CSMD1: variants seen among roughly 807,000 people sequenced by gnomAD.
The protein encoded by CSMD1 is CUB and sushi domain-containing protein 1.
In CSMD1, 213 loss-of-function variants were observed where a neutral mutation model predicts 417.5. The observed-to-expected ratio is 0.51, with a 90% CI of 0.46 to 0.57. The LOEUF (loss-of-function observed/expected upper bound fraction) is 0.57. Ranked by LOEUF, CSMD1 falls within the 20% of genes least tolerant of loss-of-function variation. The pLI is 0.00. For missense variants in CSMD1, 6,923 were observed against 4,529.7 expected, an observed-to-expected ratio of 1.53 and a Z score of -15.17; for synonymous variants, 2,862 against 1,736.8, an observed-to-expected ratio of 1.65 and a Z score of -16.11.
At chr8:4,378,364 C>T (rs1009002787) in intron 3 of CSMD1, among the ~76,000 whole-genome samples, 2 of 152,206 alleles carry the variant, frequency 1.3e-5, no homozygotes, top group Non-Finnish European at 2.9e-5. Context: ...GGAACATAAT[C>T]ATGAGAAATT....
intron 3 of CSMD1, among the ~76,000 whole-genome samples, chr8:4,363,629 C>G (rs568362667): frequency 6.6e-6 from 1 of 152,182 alleles, no homozygotes; most frequent in Admixed American, 6.5e-5. Context: ...CTGGGAAGGA[C>G]GGTGCCAGGA....
chr8:4,126,533 T>C (rs992843809), intron 3 of CSMD1, among the ~76,000 whole-genome samples: 1 of 152,192 alleles, frequency 6.6e-6, no homozygotes, highest in Non-Finnish European at 1.5e-5. Flanking sequence ...TGGTCAGTGC[T>C]GCAGGGAGGC....
At chr8:4,185,878 A>G (rs375465942) in intron 3 of CSMD1, among the ~76,000 whole-genome samples, 9 of 152,330 alleles carry the variant, frequency 5.9e-5, no homozygotes, top group African/African-American at 1.2e-4. Context: ...CCTGAGTACT[A>G]AGATCACGGC....
At chr8:4,261,400 G>C (rs1203942753) in intron 3 of CSMD1, among the ~76,000 whole-genome samples, 1 of 152,160 alleles carries the variant, frequency 6.6e-6, no homozygotes, top group Non-Finnish European at 1.5e-5. Context: ...GTAGTTGCCA[G>C]GGGCTGGGGA....
chr8:3,643,353 A>C (rs1432483701), intron 7 of CSMD1, among the ~76,000 whole-genome samples: 2 of 152,102 alleles, frequency 1.3e-5, no homozygotes, highest in African/African-American at 4.8e-5. Flanking sequence ...TCACTGAAGA[A>C]ATGGGGTTTA....
At chr8:3,429,423 C>A (rs890102081) in intron 12 of CSMD1, among the ~76,000 whole-genome samples, 22 of 152,080 alleles carry the variant, frequency 1.4e-4, no homozygotes, top group Non-Finnish European at 2.6e-4. Context: ...GAGGTAGTGA[C>A]CCAAGGGAAA....
intron 1 of CSMD1, among the ~76,000 whole-genome samples, chr8:4,691,213 G>C (rs1184974289): frequency 6.6e-6 from 1 of 152,160 alleles, no homozygotes; most frequent in Admixed American, 6.5e-5. Flanking sequence ...AAACTCCTAG[G>C]GATGGGCTGG....
chr8:4,477,328 G>C (rs1800858262), intron 2 of CSMD1, among the ~76,000 whole-genome samples: 1 of 152,144 alleles, frequency 6.6e-6, no homozygotes, highest in South Asian at 2.1e-4. Context: ...CGTTGGTGCT[G>C]GAAGGAGTTA....
intron 3 of CSMD1, among the ~76,000 whole-genome samples, chr8:4,348,940 C>T (rs541123488): frequency 6.6e-6 from 1 of 152,270 alleles, no homozygotes; most frequent in East Asian, 1.9e-4. Context: ...CTTAACCAGA[C>T]AGTGCCCTCA....
chr8:3,832,901 C>T (rs1223013354), intron 5 of CSMD1, among the ~76,000 whole-genome samples: 1 of 152,064 alleles, frequency 6.6e-6, no homozygotes, highest in African/African-American at 2.4e-5. Context: ...ATTGCATAAG[C>T]AACACAAATA....
intron 2 of CSMD1, among the ~76,000 whole-genome samples, chr8:4,536,116 C>G (rs1035147166): frequency 6.6e-6 from 1 of 152,174 alleles, no homozygotes; most frequent in Non-Finnish European, 1.5e-5. Context: ...GTTCAAGATT[C>G]ACTTGACAAG....
At chr8:4,432,088 A>T (rs1033368556) in intron 2 of CSMD1, among the ~76,000 whole-genome samples, 1 of 152,228 alleles carries the variant, frequency 6.6e-6, no homozygotes, top group Non-Finnish European at 1.5e-5. Flanking sequence ...GAATACAGAA[A>T]TATTGGCTAT....
chr8:2,973,384 G>T, intron 56 of CSMD1, 85 bp from the exon 57 acceptor site: 3 of 1,372,828 alleles, frequency 2.2e-6, no homozygotes, highest in Non-Finnish European at 3.0e-6. Context: ...ATAATGAAAA[G>T]TTGTTGAAAT....
intron 25 of CSMD1, among the ~76,000 whole-genome samples, chr8:3,289,384 T>A (rs1166838552): frequency 6.8e-6 from 1 of 147,322 alleles, no homozygotes; most frequent in Non-Finnish European, 1.5e-5. Context: ...TAGTTCTAGA[T>A]CCCTGAGGAA....
chr8:3,253,181 C>G (rs1258585865), intron 26 of CSMD1, among the ~76,000 whole-genome samples: 6 of 151,744 alleles, frequency 4.0e-5, no homozygotes, highest in African/African-American at 1.2e-4. Context: ...TATAAATTTC[C>G]CTCTACACAC....
Position 3,205,498 on chromosome 8 carries a change from C to T in CSMD1, c.4984+6G>A, listed in dbSNP as rs751103478. The T allele has an allele frequency of 1.5e-5, 21 of 1,360,618 alleles. 1 individual carries two copies. In the South Asian group the frequency reaches 2.6e-4, roughly 17 times the overall value. The allele number at this position is 1,360,618 out of a possible 1,614,324, so 84.3% of individuals were successfully genotyped here. On this transcript the variant is annotated splice_donor_region_variant and intron_variant, in intron 31 of 69. Coordinates refer to ENST00000635120, the MANE Select transcript of CSMD1 (RefSeq NM_033225.6). ...CAATGAATTAAAAATACAAGGACAT[C>T]CTTACCGAATTCCTTTGGTACCGTG...
intron 1 of CSMD1, among the ~76,000 whole-genome samples, chr8:4,961,514 T>C (rs1809483268): frequency 6.6e-6 from 1 of 152,172 alleles, no homozygotes; most frequent in African/African-American, 2.4e-5. Context: ...AAGTATCCAT[T>C]AGTTTGGCTA....
Position 3,931,420 on chromosome 8 carries a change from A to G in CSMD1, c.818+66483T>C, listed in dbSNP as rs186180224. Reference sequence around the variant, plus strand: ...CTTTTACCCATTCTGGGTATTGTGGAAAAAAAAATCTTTCAATCCATGGCT... The same window carrying G: ...CTTTTACCCATTCTGGGTATTGTGGGAAAAAAAATCTTTCAATCCATGGCT... On this transcript the variant is annotated intron_variant, in intron 5 of 69. Coordinates refer to ENST00000635120, the MANE Select transcript of CSMD1 (RefSeq NM_033225.6). 7.5e-3 allele frequency among the ~76,000 whole-genome samples: 1,126 copies of G among 150,006 alleles called. 69 individuals are homozygous for G. The highest frequency in any genetic ancestry group is 0.026 in the African/African-American group (1,058 of 40,702).
chr8:4,413,285 C>T (rs889771499), intron 3 of CSMD1, among the ~76,000 whole-genome samples: 3 of 152,182 alleles, frequency 2.0e-5, no homozygotes, highest in Non-Finnish European at 4.4e-5. Flanking sequence ...CTCAATGACA[C>T]AGCTTCTCCT....
Sources: allele counts gnomAD v4.1 joint callset (sites outside exome capture counted in the v4.1 genomes callset), GRCh38; gene constraint gnomAD v4.1.1; transcripts MANE v1.5; gene names NCBI Gene and HGNC (gene_info 2026-07-23, HGNC 2026-07-21).